Variants in PACSIN1 observed in about 807,000 individuals in gnomAD.
The protein encoded by PACSIN1 is protein kinase C and casein kinase substrate in neurons 1.
Under a neutral mutation model 59.5 loss-of-function variants are expected in PACSIN1, and 15 were observed. That is an observed-to-expected ratio of 0.25 (90% CI 0.17 to 0.39). The LOEUF is 0.39. Ranked by LOEUF, PACSIN1 falls within the 10% of genes least tolerant of loss-of-function variation. The probability of loss-of-function intolerance (pLI) is 1.00; values close to 1 mark genes in which losing one functional copy is unlikely to be tolerated. For missense variants in PACSIN1, 420 were observed against 580.2 expected, an observed-to-expected ratio of 0.72 and a Z score of 2.84; for synonymous variants, 210 against 220.6, an observed-to-expected ratio of 0.95 and a Z score of 0.42.
intron 1 of PACSIN1, among the ~76,000 whole-genome samples, chr6:34,509,984 G>C (rs985222506): frequency 1.2e-4 from 19 of 152,164 alleles, no homozygotes; most frequent in Admixed American, 1.1e-3. Context: ...TTTCATTGCT[G>C]TGTAGTATTC....
intron 1 of PACSIN1, among the ~76,000 whole-genome samples, chr6:34,520,374 T>G (rs149481366): frequency 0.014 from 2,065 of 152,238 alleles, 17 homozygotes; most frequent in African/African-American, 0.017. Flanking sequence ...TTTCCCCATG[T>G]CCCTGTCCCT....
chr6:34,512,577 C>G (rs531792673), intron 1 of PACSIN1, among the ~76,000 whole-genome samples: 1 of 152,312 alleles, frequency 6.6e-6, no homozygotes, highest in Admixed American at 6.5e-5. Flanking sequence ...TAGGCCTTGA[C>G]CTGAACTCCC....
intron 1 of PACSIN1, among the ~76,000 whole-genome samples, chr6:34,507,899 A>C (rs1180486107): frequency 2.6e-5 from 4 of 152,212 alleles, no homozygotes; most frequent in Non-Finnish European, 5.9e-5. Context: ...TTTAAGGCTA[A>C]ATATTATTCC....
Position 34,531,658 on chromosome 6 carries a change from G to T in PACSIN1, c.1096G>T (p.Gly366Trp). ...CACCGAGTGGTCAGACGACGAGAGT[G>T]GGAACCCCTTTGGGGGCAGTGAGAC... ...YATEWSDDES[G>W]NPFGGSETNG... Residue 366 changes from glycine to tryptophan, a missense_variant, in exon 9 of 10, where the codon GGG becomes TGG. Coordinates refer to ENST00000244458, the MANE Select transcript of PACSIN1 (RefSeq NM_020804.5). The surrounding 1 kb of genome is among the most constrained non-coding windows in gnomAD (Gnocchi z 4.4). 4.3e-6 allele frequency: 7 copies of T among 1,614,032 alleles called. No individual in the cohort carries two copies. Among genetic ancestry groups the T allele is most frequent in the Non-Finnish European group, 5.9e-6 (7 of 1,180,024 alleles).
chr6:34,527,181 C>A, intron 2 of PACSIN1, 151 bp from the exon 3 acceptor site: 1 of 672,540 alleles, frequency 1.5e-6, no homozygotes, highest in Non-Finnish European at 1.9e-6. Context: ...CGCTGCGCCG[C>A]GGGGCGGGGG....
In PACSIN1 at chr6:34,467,746, C is replaced by T. The variant is rs558730858; in HGVS notation, c.-64+1476C>T. On this transcript the variant is annotated intron_variant, in intron 1 of 9. Coordinates refer to ENST00000244458, the MANE Select transcript of PACSIN1 (RefSeq NM_020804.5). ...GCTAATTTTATATTTTTAGTAGAGA[C>T]GGGGTTTCTCCATGTTGGTCAGGCT... is the stretch of plus-strand genomic sequence containing the variant. Among the ~76,000 whole-genome samples, 438 of 152,006 alleles carry T rather than the reference C, an allele frequency of 2.9e-3. 5 individuals carry two copies. Among genetic ancestry groups the T allele is most frequent in the African/African-American group, 9.9e-3 (411 of 41,482 alleles).
At chr6:34,511,254 A>G (rs567011352) in intron 1 of PACSIN1, among the ~76,000 whole-genome samples, 2 of 152,350 alleles carry the variant, frequency 1.3e-5, no homozygotes, top group Admixed American at 6.5e-5. Context: ...TGTGTATTAC[A>G]GTATGGGGCG....
chr6:34,523,508 A>G (rs1767432518), intron 1 of PACSIN1, among the ~76,000 whole-genome samples: 1 of 152,208 alleles, frequency 6.6e-6, no homozygotes, highest in Non-Finnish European at 1.5e-5. Context: ...GCTGTCATTT[A>G]TTGAGACACT....
intron 1 of PACSIN1, among the ~76,000 whole-genome samples, chr6:34,475,382 G>T (rs376772664): frequency 2.2e-4 from 34 of 152,290 alleles, no homozygotes; most frequent in African/African-American, 7.5e-4. Context: ...CTCAAGTCTG[G>T]TCTTCTAGAA....
At chr6:34,500,162 C>G (rs1046061855) in intron 1 of PACSIN1, among the ~76,000 whole-genome samples, 1 of 152,166 alleles carries the variant, frequency 6.6e-6, no homozygotes, top group Non-Finnish European at 1.5e-5. Context: ...TGTTCAACAT[C>G]TCTGATCATT....
In PACSIN1 at chr6:34,525,856, T is replaced by G. The variant is rs1240409879; in HGVS notation, c.-63-387T>G. Among the ~76,000 whole-genome samples, 1 of 151,952 alleles carries G rather than the reference T, an allele frequency of 6.6e-6. No individual in the cohort carries two copies. Among genetic ancestry groups the G allele is most frequent in the Non-Finnish European group, 1.5e-5 (1 of 67,954 alleles). Reference sequence around the variant, plus strand: ...CTTGTAAGAAGCTAATGGGGGCTGCTGAGGTTGGGAGCAAGGGCAGACAGA... The same window carrying G: ...CTTGTAAGAAGCTAATGGGGGCTGCGGAGGTTGGGAGCAAGGGCAGACAGA... On this transcript the variant is annotated intron_variant, in intron 1 of 9. Coordinates refer to ENST00000244458, the MANE Select transcript of PACSIN1 (RefSeq NM_020804.5). The surrounding 1 kb of genome is among the most constrained non-coding windows in gnomAD (Gnocchi z 4.9).
chr6:34,489,649 A>G (rs1766846016), intron 1 of PACSIN1, among the ~76,000 whole-genome samples: 1 of 152,186 alleles, frequency 6.6e-6, no homozygotes. Context: ...TGAGACTACC[A>G]CTGGATGTCC....
intron 3 of PACSIN1, among the ~76,000 whole-genome samples, chr6:34,528,085 A>G (rs1245734609): frequency 1.3e-5 from 2 of 152,248 alleles, no homozygotes; most frequent in African/African-American, 2.4e-5. Flanking sequence ...TGCGGTTTAC[A>G]TATACTTGTT....
At position 34,516,486 on chromosome 6, in the gene PACSIN1, G is replaced by A. The variant is rs2127267027; in HGVS notation, c.-63-9757G>A. Among the ~76,000 whole-genome samples, 1 of 152,356 alleles carries A rather than the reference G, an allele frequency of 6.6e-6. No individual in the cohort carries two copies. The highest frequency in any genetic ancestry group is 2.4e-5 in the African/African-American group (1 of 41,580). Reference sequence around the variant, plus strand: ...CACTCTCCTCCTTCCTGACCAGGGTGGGAGCTGATATCTGCCCTGCCTCAC... The same window carrying A: ...CACTCTCCTCCTTCCTGACCAGGGTAGGAGCTGATATCTGCCCTGCCTCAC... On this transcript the variant is annotated intron_variant, in intron 1 of 9. Coordinates refer to ENST00000244458, the MANE Select transcript of PACSIN1 (RefSeq NM_020804.5). This position sits in a 1 kb window ranked among gnomAD's most constrained non-coding sequence, Gnocchi z 5.4.
In PACSIN1 at chr6:34,477,274, T is replaced by G. The variant is rs145680218; in HGVS notation, c.-64+11004T>G. Among the ~76,000 whole-genome samples the G allele has an allele frequency of 4.0e-5, 6 of 150,102 alleles. No homozygotes were observed. The East Asian group carries it at 7.7e-4, about 19-fold the overall frequency. On this transcript the variant is annotated intron_variant, in intron 1 of 9. Coordinates refer to ENST00000244458, the MANE Select transcript of PACSIN1 (RefSeq NM_020804.5). The stretch of plus-strand genomic sequence containing the variant: ...GGGAGGCCAAAGCGGGAGGATTGCT[T>G]GAGTCCAGGAGTTCAAGACCAACCT...
At chr6:34,520,305 G>T (rs1767367089) in intron 1 of PACSIN1, among the ~76,000 whole-genome samples, 1 of 152,218 alleles carries the variant, frequency 6.6e-6, no homozygotes, top group Non-Finnish European at 1.5e-5. Context: ...TGGGTTGGGG[G>T]GCACTGCTGG....
intron 1 of PACSIN1, among the ~76,000 whole-genome samples, chr6:34,492,360 C>T (rs1007152300): frequency 6.6e-6 from 1 of 151,648 alleles, no homozygotes; most frequent in African/African-American, 2.4e-5. Flanking sequence ...AGGCACGCAT[C>T]ACCATGCCCA....
At chr6:34,480,657 G>C (rs12660150) in intron 1 of PACSIN1, among the ~76,000 whole-genome samples, 1,699 of 152,146 alleles carry the variant, frequency 0.011, 45 homozygotes, top group East Asian at 0.095. Flanking sequence ...TTCCATGAAG[G>C]GATAAGATAA....
rs146195780 is a variant in PACSIN1, at chr6:34,488,581, C to G, written c.-64+22311C>G. On this transcript the variant is annotated intron_variant, in intron 1 of 9. Transcript: ENST00000244458. The surrounding 1 kb of genome is among the most constrained non-coding windows in gnomAD (Gnocchi z 4.7). ...GTGGTGGTGAATGGGGCTGCTCCTA[C>G]TTCTACCCCATAGTTCTTAGATGCA... Among the ~76,000 whole-genome samples the G allele has an allele frequency of 1.3e-5, 2 of 152,276 alleles. No individual in the cohort carries two copies. Among genetic ancestry groups the G allele is most frequent in the African/African-American group, 4.8e-5 (2 of 41,556 alleles).
Sources: gnomAD v4.1 joint callset for allele counts (sites outside exome capture counted in the v4.1 genomes callset) on GRCh38, gnomAD v4.1.1 for gene constraint, Gnocchi (gnomAD v3.1) non-coding constraint, MANE v1.5 for transcripts, NCBI Gene and HGNC (gene_info 2026-07-23, HGNC 2026-07-21) for gene names.